The following FOXN3 variants were observed in gnomAD, a reference collection of about 807,000 sequenced individuals.
The protein encoded by FOXN3 is forkhead box protein N3.
FOXN3 carries 7 observed loss-of-function variants against 38.4 expected under a neutral mutation model. The ratio of observed to expected loss-of-function variants is 0.18; its 90% CI spans 0.10 to 0.34. The LOEUF is 0.34. Among genes scored for constraint, FOXN3 ranks in the 10% least tolerant of loss-of-function variants. FOXN3 has a pLI of 1.00. For synonymous variants in FOXN3, 230 were observed against 242.2 expected, an observed-to-expected ratio of 0.95 and a Z score of 0.47; for missense variants, 456 against 613.4, an observed-to-expected ratio of 0.74 and a Z score of 2.71.
intron 1 of FOXN3, among the ~76,000 whole-genome samples, chr14:89,512,990 A>G (rs1894123090): frequency 6.6e-6 from 1 of 151,818 alleles, no homozygotes; most frequent in African/African-American, 2.4e-5. Context: ...AAATACAAAC[A>G]TTAGCCGGAC....
intron 2 of FOXN3, among the ~76,000 whole-genome samples, chr14:89,371,221 C>T (rs952390647): frequency 6.6e-6 from 1 of 152,096 alleles, no homozygotes; most frequent in African/African-American, 2.4e-5. Flanking sequence ...CTCTTCCTGC[C>T]CGAAAGTGGC....
chr14:89,355,501 T>C (rs1219985067), intron 2 of FOXN3, among the ~76,000 whole-genome samples: 3 of 152,224 alleles, frequency 2.0e-5, no homozygotes, highest in South Asian at 4.1e-4. Context: ...CCTCCCAAAG[T>C]GCTGGAAATA....
chr14:89,586,709 T>A (rs1895850845), intron 1 of FOXN3, among the ~76,000 whole-genome samples: 1 of 152,196 alleles, frequency 6.6e-6, no homozygotes, highest in South Asian at 2.1e-4. Flanking sequence ...GCTCGCCAAA[T>A]GCTCTCCCTG....
intron 1 of FOXN3, among the ~76,000 whole-genome samples, chr14:89,530,934 A>AATATATATATTATATAT (rs1049864067): frequency 6.8e-6 from 1 of 147,706 alleles, no homozygotes; most frequent in Non-Finnish European, 1.5e-5. Flanking sequence ...TTTATAATGA[A>AATATATATATTATATAT]ATATATATAT....
At chr14:89,551,499 A>G (rs1244044349) in intron 1 of FOXN3, among the ~76,000 whole-genome samples, 1 of 152,092 alleles carries the variant, frequency 6.6e-6, no homozygotes, top group Admixed American at 6.6e-5. Context: ...CCGACAAAAA[A>G]GGTCACAGCA....
At chr14:89,473,225 C>T (rs1388221941) in intron 1 of FOXN3, among the ~76,000 whole-genome samples, 1 of 151,850 alleles carries the variant, frequency 6.6e-6, no homozygotes, top group Admixed American at 6.6e-5. Flanking sequence ...GGGGTTTCAC[C>T]ATGTTGGCCA....
intron 4 of FOXN3, among the ~76,000 whole-genome samples, chr14:89,217,849 A>G (rs1309721990): frequency 6.6e-6 from 1 of 152,184 alleles, no homozygotes; most frequent in Admixed American, 6.5e-5. Context: ...CCCAATGCTG[A>G]GCCTGCAGCA....
chr14:89,188,323 A>G (rs1887861317), intron 4 of FOXN3, among the ~76,000 whole-genome samples: 1 of 152,212 alleles, frequency 6.6e-6, no homozygotes, highest in African/African-American at 2.4e-5. Flanking sequence ...ACTCATCAGG[A>G]GAAGCCTTTT....
intron 3 of FOXN3, among the ~76,000 whole-genome samples, chr14:89,312,653 G>A (rs976115302): frequency 6.6e-6 from 1 of 152,118 alleles, no homozygotes; most frequent in Non-Finnish European, 1.5e-5. Flanking sequence ...CTTTAATACT[G>A]GACAGACCTG....
At chr14:89,318,050 T>C (rs1330787651) in intron 3 of FOXN3, among the ~76,000 whole-genome samples, 1 of 151,794 alleles carries the variant, frequency 6.6e-6, no homozygotes, top group Non-Finnish European at 1.5e-5. Flanking sequence ...GGGACTGCTA[T>C]ATTAGGGCAT....
chr14:89,595,334 A>AG (rs1896036852), intron 1 of FOXN3, among the ~76,000 whole-genome samples: 1 of 152,052 alleles, frequency 6.6e-6, no homozygotes, highest in Non-Finnish European at 1.5e-5. Context: ...CAAAAAAAAA[A>AG]AAGAAGTAAG....
intron 3 of FOXN3, among the ~76,000 whole-genome samples, chr14:89,321,350 G>A (rs1887890555): frequency 6.6e-6 from 1 of 152,092 alleles, no homozygotes; most frequent in African/African-American, 2.4e-5. Context: ...GGCTGAGACG[G>A]GTGGATCACG....
chr14:89,458,074 C>T (rs1355862481), intron 1 of FOXN3, among the ~76,000 whole-genome samples: 2 of 147,676 alleles, frequency 1.4e-5, no homozygotes, highest in Non-Finnish European at 3.0e-5. Flanking sequence ...ATGGAGAGTG[C>T]TGTGTCTCAC....
intron 4 of FOXN3, among the ~76,000 whole-genome samples, chr14:89,186,315 C>T (rs776495976): frequency 5.9e-5 from 9 of 152,038 alleles, no homozygotes; most frequent in Non-Finnish European, 1.0e-4. Context: ...CCCCTTCCCT[C>T]GTTCCATTTT....
chr14:89,533,891 C>T (rs1005994981), intron 1 of FOXN3, among the ~76,000 whole-genome samples: 3 of 151,792 alleles, frequency 2.0e-5, no homozygotes, highest in African/African-American at 7.3e-5. Flanking sequence ...CTACTGTTTT[C>T]GTTCTTCTTT....
Position 89,506,600 on chromosome 14 carries a change from C to T in FOXN3, c.-14-94110G>A, listed in dbSNP as rs570854305. On this transcript the variant is annotated intron_variant, in intron 1 of 6. Coordinates refer to the FOXN3 transcript ENST00000345097. Reference sequence around the variant, plus strand: ...CTGGGAAGTGAGGAGCCCCTCTGCCCGGCCACCACCCTGTCTGGGAGGTGT... The same window carrying T: ...CTGGGAAGTGAGGAGCCCCTCTGCCTGGCCACCACCCTGTCTGGGAGGTGT... 2.7e-3 allele frequency among the ~76,000 whole-genome samples: 408 copies of T among 151,698 alleles called. 1 individual carries two copies. Among genetic ancestry groups the T allele is most frequent in the African/African-American group, 7.7e-3 (318 of 41,358 alleles).
chr14:89,555,242 T>C (rs1171404542), intron 1 of FOXN3, among the ~76,000 whole-genome samples: 2 of 152,196 alleles, frequency 1.3e-5, no homozygotes, highest in Non-Finnish European at 2.9e-5. Flanking sequence ...AGTACATCTG[T>C]AGGATAAATA....
chr14:89,599,496 G>T (rs1331282677), intron 1 of FOXN3, among the ~76,000 whole-genome samples: 1 of 152,004 alleles, frequency 6.6e-6, no homozygotes, highest in Non-Finnish European at 1.5e-5. Flanking sequence ...CACAGTTATG[G>T]TAGGGACCAT....
At chr14:89,318,253 G>A (rs1887791659) in intron 3 of FOXN3, among the ~76,000 whole-genome samples, 1 of 149,188 alleles carries the variant, frequency 6.7e-6, no homozygotes, top group South Asian at 2.1e-4. Flanking sequence ...CCACCTGCCA[G>A]ATTCAAGTGA....
Sources: allele counts gnomAD v4.1 joint callset (sites outside exome capture counted in the v4.1 genomes callset), GRCh38; gene constraint gnomAD v4.1.1; transcripts MANE v1.5; gene names NCBI Gene and HGNC (gene_info 2026-07-23, HGNC 2026-07-21).